GORASP1: variants seen among roughly 807,000 people sequenced by gnomAD.
GORASP1 encodes golgi reassembly stacking protein 1.
A neutral mutation model predicts 37.7 loss-of-function variants in GORASP1; 31 were observed. That is an observed-to-expected ratio of 0.82 (90% CI 0.62 to 1.11). The LOEUF (loss-of-function observed/expected upper bound fraction) is 1.11, where lower values mean the gene tolerates loss of function less well. GORASP1 is among the 50% of genes least tolerant of loss of function. The probability of loss-of-function intolerance (pLI) is 0.00; values close to 1 mark genes in which losing one functional copy is unlikely to be tolerated. For missense variants in GORASP1, 476 were observed against 560.7 expected (o/e 0.85, Z 1.53); for synonymous variants, 204 against 224.8 (o/e 0.91, Z 0.83).
At position 39,103,539 on chromosome 3, in the gene GORASP1, G is replaced by A; in HGVS notation, c.78C>T (p.Ser26=). The A allele has an allele frequency of 6.2e-7, 1 of 1,613,178 alleles. No individual in the cohort carries two copies. Among genetic ancestry groups the A allele is most frequent in the Non-Finnish European group, 8.5e-7 (1 of 1,179,728 alleles). ...GCTCCAGGCCCGCCTGCTGGGCTGG[G>A]GAGTTCTCCTGCACCTATCCCACAG... The part of the protein sequence containing the change: ...GFHLHGVQEN[S]PAQQAGLEPY... Residue 26 remains serine (S), a synonymous_variant, in exon 2 of 9, where the codon TCC becomes TCT. Transcript: ENST00000319283. The surrounding 1 kb of genome is among the most constrained non-coding windows in gnomAD (Gnocchi z 5.2).
At chr3:39,099,659 T>C (rs2035571580) in intron 6 of GORASP1, among the ~76,000 whole-genome samples, 156 bp from the exon 7 acceptor site, 3 of 152,126 alleles carry the variant, frequency 2.0e-5, no homozygotes, top group Non-Finnish European at 2.9e-5. Flanking sequence ...CCTTCTTCTA[T>C]TGGTGATAGG....
intron 1 of GORASP1, chr3:39,106,999 C>G (rs1244752682): frequency 4.4e-6 from 2 of 450,528 alleles, no homozygotes; most frequent in Admixed American, 4.8e-5. Flanking sequence ...CTACGACTGG[C>G]AGGACGCGCG....
At position 39,097,267 on chromosome 3, in the gene GORASP1, T is replaced by G. The variant is rs1202333863; in HGVS notation, c.*969A>C. ...TAATTAGCAGTGTGGGAACTGAGGG[T>G]CCAGTCAACACAGCAGAGGACTTCA... On this transcript the variant is annotated 3_prime_UTR_variant, in exon 9 of 9. Coordinates refer to ENST00000319283, the MANE Select transcript of GORASP1 (RefSeq NM_031899.4). 1 of 151,984 alleles carries G rather than the reference T, an allele frequency of 6.6e-6. No homozygotes were observed. The highest frequency in any genetic ancestry group is 1.5e-5 in the Non-Finnish European group (1 of 68,048). 9.4% of individuals were successfully genotyped at this position (151,984 alleles called of 1,614,324 possible). A position where few individuals can be genotyped will look rare whatever the true frequency, so the allele number is the denominator to read the frequency against.
Position 39,098,413 on chromosome 3 carries a change from G to A in GORASP1, c.1146C>T (p.His382=). The part of the protein sequence containing the change: ...DSPGAQAQAD[H]LPQLTLPDSL... ...TGTCAGGAAGAGTCAGCTGAGGCAG[G>A]TGGTCCGCCTGGGCTTGGGCACCTG... The change falls in exon 9 of 9, where the codon CAC becomes CAT. Residue 382 remains histidine, a synonymous_variant. Transcript: ENST00000319283. The surrounding 1 kb of genome is among the most constrained non-coding windows in gnomAD (Gnocchi z 4.7). The A allele has an allele frequency of 6.2e-7, 1 of 1,614,218 alleles. No individual in the cohort carries two copies. Among genetic ancestry groups the A allele is most frequent in the Non-Finnish European group, 8.5e-7 (1 of 1,180,034 alleles).
chr3:39,102,442 G>A lies in GORASP1; in HGVS notation c.348+236C>T. 1 of 590,488 alleles carries A rather than the reference G, an allele frequency of 1.7e-6. No homozygotes were observed. Among genetic ancestry groups the A allele is most frequent in the Non-Finnish European group, 3.0e-6 (1 of 330,108 alleles). 36.6% of individuals were successfully genotyped at this position (590,488 alleles called of 1,614,324 possible). ...TAAGTAACCTAGGTATAGAAGGTAA[G>A]AAAGTACCCAAAGTCATGGCTAACA... On this transcript the variant is annotated intron_variant, in intron 3 of 8. Coordinates refer to ENST00000319283, the MANE Select transcript of GORASP1 (RefSeq NM_031899.4). This position sits in a 1 kb window ranked among gnomAD's most constrained non-coding sequence, Gnocchi z 5.0.
At position 39,100,556 on chromosome 3, in the gene GORASP1, A is replaced by G; in HGVS notation, c.567-53T>C. ...AGGGGCTTGTCCCACGGCCCTCCCT[A>G]CCTTTGCTATCCCCACCTACTACCA... On this transcript the variant is annotated intron_variant, in intron 5 of 8. Coordinates refer to ENST00000319283, the MANE Select transcript of GORASP1 (RefSeq NM_031899.4). This position sits in a 1 kb window ranked among gnomAD's most constrained non-coding sequence, Gnocchi z 4.6. 6.6e-7 allele frequency: 1 copy of G among 1,511,748 alleles called. No homozygotes were observed. The highest frequency in any genetic ancestry group is 8.9e-7 in the Non-Finnish European group (1 of 1,127,512). The allele number at this position is 1,511,748 out of a possible 1,614,324, so 93.6% of individuals were successfully genotyped here. A position where few individuals can be genotyped will look rare whatever the true frequency, so the allele number is the denominator to read the frequency against.
In GORASP1 at chr3:39,100,221, C is replaced by T. The variant is rs1021081757; in HGVS notation, c.765+84G>A. The T allele has an allele frequency of 5.8e-6, 7 of 1,209,848 alleles. No homozygotes were observed. The African/African-American group carries it at 9.0e-5, about 16-fold the overall frequency. The allele number at this position is 1,209,848 out of a possible 1,614,324, so 74.9% of individuals were successfully genotyped here. Reference sequence around the variant, plus strand: ...ACATGGGCCTCTCAGATCACAAAGGCCCCTGGTGAGGGTTGCTGATGGCTC... The same window carrying T: ...ACATGGGCCTCTCAGATCACAAAGGTCCCTGGTGAGGGTTGCTGATGGCTC... On this transcript the variant is annotated intron_variant, in intron 6 of 8. Transcript: ENST00000319283. The surrounding 1 kb of genome is among the most constrained non-coding windows in gnomAD (Gnocchi z 4.6).
chr3:39,099,594 T>G (rs897684920), intron 6 of GORASP1, 91 bp from the exon 7 acceptor site: 1 of 1,314,476 alleles, frequency 7.6e-7, no homozygotes, highest in Non-Finnish European at 1.1e-6. Context: ...CAGTCCCCAC[T>G]TGTCCCAGGA....
Position 39,102,671 on chromosome 3 carries a change from C to A in GORASP1, c.348+7G>T, listed in dbSNP as rs202050470. 1 of 1,614,060 alleles carries A rather than the reference C, an allele frequency of 6.2e-7. No individual in the cohort carries two copies. The highest frequency in any genetic ancestry group is 1.3e-5 in the African/African-American group (1 of 75,032). On this transcript the variant is annotated splice_region_variant and intron_variant, in intron 3 of 8. Transcript: ENST00000319283. The surrounding 1 kb of genome is among the most constrained non-coding windows in gnomAD (Gnocchi z 5.0). ...ACACACCCTGCCCTGCCATACCCCA[C>A]ACTCACCAGCACATGCCACACCTGC...
At position 39,100,350 on chromosome 3, in the gene GORASP1, G is replaced by A; in HGVS notation, c.720C>T (p.Asp240=). 1 of 1,614,180 alleles carries A rather than the reference G, an allele frequency of 6.2e-7. No homozygotes were observed. The highest frequency in any genetic ancestry group is 2.2e-5 in the East Asian group (1 of 44,888). The change falls in exon 6 of 9, where the codon GAC becomes GAT. Residue 240 remains aspartate (D), a synonymous_variant. Transcript: ENST00000319283. The surrounding 1 kb of genome is among the most constrained non-coding windows in gnomAD (Gnocchi z 4.6). ...DALPPGPTPE[D]SPSLETGSRQ... is the part of the protein sequence containing the mutation. ...TGGAACCTGTCTCCAGGGAAGGAGAGTCCTCGGGGGTGGGTCCAGGTGGTA... is the reference window on the plus strand; with the variant it reads ...TGGAACCTGTCTCCAGGGAAGGAGAATCCTCGGGGGTGGGTCCAGGTGGTA...
rs1345075977 is a variant in GORASP1 at position 39,098,702 on chromosome 3, G to T, written c.1069+39C>A. ...AGGGCAGCCTTCCCAACAACCCGGG[G>T]TCCTTCCCAGAGGACTTCGGAAGGT... On this transcript the variant is annotated intron_variant, in intron 8 of 8. Transcript: ENST00000319283. The surrounding 1 kb of genome is among the most constrained non-coding windows in gnomAD (Gnocchi z 4.7). The T allele has an allele frequency of 6.2e-7, 1 of 1,604,226 alleles. No homozygotes were observed. The highest frequency in any genetic ancestry group is 8.5e-7 in the Non-Finnish European group (1 of 1,174,548).
At position 39,100,653 on chromosome 3, in the gene GORASP1, C is replaced by T. The variant is rs2035640395; in HGVS notation, c.566+94G>A. ...CAGGATCCCTGGGCCCAGGGCCCAA[C>T]CCTCCTCCATCTCCACCATAGAACT... is the stretch of plus-strand genomic sequence containing the variant. On this transcript the variant is annotated intron_variant, in intron 5 of 8. Transcript: ENST00000319283. The surrounding 1 kb of genome is among the most constrained non-coding windows in gnomAD (Gnocchi z 4.6). 6.5e-6 allele frequency: 10 copies of T among 1,534,732 alleles called. No individual in the cohort carries two copies. Among genetic ancestry groups the T allele is most frequent in the Non-Finnish European group, 8.8e-6 (10 of 1,134,292 alleles).
Position 39,100,521 on chromosome 3 carries a change from C to T in GORASP1, c.567-18G>A, listed in dbSNP as rs1220339894. On this transcript the variant is annotated intron_variant, in intron 5 of 8. Transcript: ENST00000319283. This position sits in a 1 kb window ranked among gnomAD's most constrained non-coding sequence, Gnocchi z 4.6. ...ATCCCAGACTGCCGAAGGCCAGAAA[C>T]ATTCAATCCAGGGGCTTGTCCCACG... is the stretch of plus-strand genomic sequence containing the variant. 6.5e-7 allele frequency: 1 copy of T among 1,547,664 alleles called. No individual in the cohort carries two copies. Among genetic ancestry groups the T allele is most frequent in the Non-Finnish European group, 8.7e-7 (1 of 1,148,502 alleles).
chr3:39,100,563 C>G lies in GORASP1; in HGVS notation c.567-60G>C. 6.7e-7 allele frequency: 1 copy of G among 1,496,572 alleles called. No individual in the cohort carries two copies. Among genetic ancestry groups the G allele is most frequent in the Non-Finnish European group, 9.0e-7 (1 of 1,114,268 alleles). 92.7% of individuals were successfully genotyped at this position (1,496,572 alleles called of 1,614,324 possible). On this transcript the variant is annotated intron_variant, in intron 5 of 8. Transcript: ENST00000319283. The surrounding 1 kb of genome is among the most constrained non-coding windows in gnomAD (Gnocchi z 4.6). ...TGTCCCACGGCCCTCCCTACCTTTG[C>G]TATCCCCACCTACTACCAGCAATAA...
chr3:39,101,907 G>A (rs1274509837), intron 3 of GORASP1, among the ~76,000 whole-genome samples: 1 of 152,232 alleles, frequency 6.6e-6, no homozygotes, highest in Non-Finnish European at 1.5e-5. Flanking sequence ...GTGTGCATGT[G>A]TGTCTGTGGA....
chr3:39,103,289 G>A lies in GORASP1; in HGVS notation c.144+184C>T. 1 of 599,006 alleles carries A rather than the reference G, an allele frequency of 1.7e-6. No homozygotes were observed. Among genetic ancestry groups the A allele is most frequent in the East Asian group, 2.8e-5 (1 of 35,926 alleles). 37.1% of individuals were successfully genotyped at this position (599,006 alleles called of 1,614,324 possible). ...TCCTCTGTCCACCCCACAGAGCTCA[G>A]AAGCTGAGCACTGGGCAGGGCCCCA... is the stretch of plus-strand genomic sequence containing the variant. On this transcript the variant is annotated intron_variant, in intron 2 of 8. Transcript: ENST00000319283. The surrounding 1 kb of genome is among the most constrained non-coding windows in gnomAD (Gnocchi z 5.2).
rs559561843 is a variant in GORASP1, at chr3:39,105,994, T to C, written c.63+1485A>G. On this transcript the variant is annotated intron_variant, in intron 1 of 8. Transcript: ENST00000319283. This position sits in a 1 kb window ranked among gnomAD's most constrained non-coding sequence, Gnocchi z 5.4. ...TCCTTCAGAAGCATCTGTTCGAATG[T>C]GACTTGAGAAGAGGCCCTTCCTGAC... 2.6e-5 allele frequency among the ~76,000 whole-genome samples: 4 copies of C among 152,330 alleles called. No homozygotes were observed. Among genetic ancestry groups the C allele is most frequent in the South Asian group, 4.1e-4 (2 of 4,824 alleles).
Position 39,098,418 on chromosome 3 carries a change from C to T in GORASP1, c.1141G>A (p.Asp381Asn). 6.2e-7 allele frequency: 1 copy of T among 1,614,194 alleles called. No homozygotes were observed. Among genetic ancestry groups the T allele is most frequent in the Non-Finnish European group, 8.5e-7 (1 of 1,180,026 alleles). Reference protein sequence around the residue: ...LDSPGAQAQADHLPQLTLPDS... With the variant: ...LDSPGAQAQANHLPQLTLPDS... ...GGAAGAGTCAGCTGAGGCAGGTGGT[C>T]CGCCTGGGCTTGGGCACCTGGGCTG... Residue 381 changes from aspartate (D) to asparagine (N), a missense_variant, in exon 9 of 9, where the codon GAC (aspartate) becomes AAC (asparagine). Physicochemically the swap from Asp to Asn is conservative, Grantham distance 23. Coordinates refer to ENST00000319283, the MANE Select transcript of GORASP1 (RefSeq NM_031899.4). The surrounding 1 kb of genome is among the most constrained non-coding windows in gnomAD (Gnocchi z 4.7).
intron 6 of GORASP1, 85 bp from the exon 7 acceptor site, chr3:39,099,588 C>T (rs189394291): frequency 1.5e-6 from 2 of 1,341,880 alleles, no homozygotes; most frequent in Admixed American, 2.1e-5. Context: ...AACCACCAGT[C>T]CCCACTTGTC....
Sources: gnomAD v4.1 joint callset for allele counts (sites outside exome capture counted in the v4.1 genomes callset) on GRCh38, gnomAD v4.1.1 for gene constraint, Gnocchi (gnomAD v3.1) non-coding constraint, MANE v1.5 for transcripts, NCBI Gene and HGNC (gene_info 2026-07-23, HGNC 2026-07-21) for gene names.